The following NYAP2 variants were observed in gnomAD, a reference collection of about 807,000 sequenced individuals.
NYAP2 encodes neuronal tyrosine-phosphorylated phosphoinositide-3-kinase adapter 2.
A neutral mutation model predicts 50.4 loss-of-function variants in NYAP2; 23 were observed. The observed-to-expected ratio is 0.46, with a 90% CI of 0.33 to 0.65. The LOEUF (loss-of-function observed/expected upper bound fraction) is 0.65, where lower values mean the gene tolerates loss of function less well. Among genes scored for constraint, NYAP2 ranks in the 30% least tolerant of loss-of-function variants. The probability of loss-of-function intolerance (pLI) is 0.02; values close to 1 mark genes in which losing one functional copy is unlikely to be tolerated. For synonymous variants in NYAP2, 394 were observed against 365.2 expected (o/e 1.08, Z -0.90); for missense variants, 885 against 861.0 (o/e 1.03, Z -0.35).
At chr2:225,536,061 A>G (rs907652044) in intron 4 of NYAP2, among the ~76,000 whole-genome samples, 1 of 152,240 alleles carries the variant, frequency 6.6e-6, no homozygotes, top group African/African-American at 2.4e-5. Flanking sequence ...ATAGATGCTT[A>G]AATTATAAAC....
intron 5 of NYAP2, among the ~76,000 whole-genome samples, chr2:225,613,888 T>A (rs148806552): frequency 6.6e-5 from 10 of 152,292 alleles, no homozygotes; most frequent in African/African-American, 2.4e-4. Context: ...AATTGAAGAC[T>A]ACAATAAAAA....
At chr2:225,657,758 C>T (rs1446006473), downstream of NYAP2, among the ~76,000 whole-genome samples, 1 of 152,142 alleles carries the variant, frequency 6.6e-6, no homozygotes, top group Non-Finnish European at 1.5e-5. Flanking sequence ...AGTTTAGCCC[C>T]TTGTCCTATA....
At chr2:225,536,258 C>T (rs1196875921) in intron 4 of NYAP2, among the ~76,000 whole-genome samples, 1 of 152,156 alleles carries the variant, frequency 6.6e-6, no homozygotes, top group Non-Finnish European at 1.5e-5. Flanking sequence ...TCTCCCAAGG[C>T]GCTACCACAT....
At chr2:225,411,184 A>G (rs1319036485) in intron 3 of NYAP2, among the ~76,000 whole-genome samples, 3 of 152,106 alleles carry the variant, frequency 2.0e-5, no homozygotes, top group Non-Finnish European at 4.4e-5. Context: ...TTGCATTGGG[A>G]TGATAGCAGT....
At chr2:225,573,253 T>C (rs986826947) in intron 4 of NYAP2, among the ~76,000 whole-genome samples, 1 of 127,272 alleles carries the variant, frequency 7.9e-6, no homozygotes. Flanking sequence ...ATTATTTCTT[T>C]TTTTTTTTTT....
At chr2:225,500,667 T>C (rs1690589274) in intron 3 of NYAP2, among the ~76,000 whole-genome samples, 1 of 152,222 alleles carries the variant, frequency 6.6e-6, no homozygotes, top group Non-Finnish European at 1.5e-5. Flanking sequence ...TACAAATGTT[T>C]GGGAAGGGCG....
the NYAP2 span, among the ~76,000 whole-genome samples, chr2:225,678,230 C>A: frequency 6.6e-6 from 1 of 151,938 alleles, no homozygotes; most frequent in African/African-American, 2.4e-5. Flanking sequence ...CTCTGAGGAT[C>A]TTTTGTATTT....
chr2:225,399,406 G>C (rs542605162), upstream of NYAP2, among the ~76,000 whole-genome samples: 2 of 152,092 alleles, frequency 1.3e-5, no homozygotes, highest in East Asian at 3.9e-4. Flanking sequence ...ATATTCAGTA[G>C]AGTATTAAGA....
At chr2:225,474,745 G>A (rs886531808) in intron 3 of NYAP2, among the ~76,000 whole-genome samples, 7 of 152,210 alleles carry the variant, frequency 4.6e-5, no homozygotes, top group Non-Finnish European at 1.0e-4. Context: ...ATACAATCAT[G>A]TCATCTGCAA....
At chr2:225,422,634 C>A (rs887565405) in intron 3 of NYAP2, among the ~76,000 whole-genome samples, 1 of 151,982 alleles carries the variant, frequency 6.6e-6, no homozygotes, top group African/African-American at 2.4e-5. Flanking sequence ...AACTACACAC[C>A]ATTACCAACA....
chr2:225,618,490 G>C (rs1693028138), intron 5 of NYAP2, among the ~76,000 whole-genome samples: 1 of 152,252 alleles, frequency 6.6e-6, no homozygotes, highest in Admixed American at 6.5e-5. Flanking sequence ...GCCCAAGCCT[G>C]GTATTAACTC....
chr2:225,435,445 A>G (rs1364277262), intron 3 of NYAP2, among the ~76,000 whole-genome samples: 1 of 152,220 alleles, frequency 6.6e-6, no homozygotes, highest in Non-Finnish European at 1.5e-5. Flanking sequence ...TAAAGACTTC[A>G]AAAGAAGTCA....
chr2:225,677,430 A>G, the NYAP2 span, among the ~76,000 whole-genome samples: 1 of 152,138 alleles, frequency 6.6e-6, no homozygotes, highest in Non-Finnish European at 1.5e-5. Flanking sequence ...TACCCTGGCT[A>G]GGACTTCCAG....
chr2:225,665,779 A>G, the NYAP2 span, among the ~76,000 whole-genome samples: 9 of 123,370 alleles, frequency 7.3e-5, no homozygotes, highest in African/African-American at 2.7e-4. Context: ...ATTGCACTCC[A>G]GCCTGGGCAA....
At chr2:225,510,941 A>G (rs563946533) in intron 3 of NYAP2, among the ~76,000 whole-genome samples, 30 of 152,128 alleles carry the variant, frequency 2.0e-4, no homozygotes, top group Non-Finnish European at 3.4e-4. Flanking sequence ...GTCAAAAGTA[A>G]CTGAGAAATT....
chr2:225,459,192 AC>A (rs1350760591), intron 3 of NYAP2, among the ~76,000 whole-genome samples: 1 of 152,198 alleles, frequency 6.6e-6, no homozygotes, highest in East Asian at 1.9e-4. Flanking sequence ...AATTATGTTT[AC>A]TTTTTAATAT....
At chr2:225,458,262 G>A (rs971490612) in intron 3 of NYAP2, among the ~76,000 whole-genome samples, 2 of 152,166 alleles carry the variant, frequency 1.3e-5, no homozygotes, top group Non-Finnish European at 2.9e-5. Context: ...TGAGGTGGGA[G>A]GATCGCTTGA....
intron 5 of NYAP2, among the ~76,000 whole-genome samples, chr2:225,604,378 T>C (rs1692749452): frequency 6.6e-6 from 1 of 152,160 alleles, no homozygotes; most frequent in Admixed American, 6.6e-5. Flanking sequence ...AATCATGCGT[T>C]ACAGCTGGGG....
chr2:225,578,727 G>A (rs930735731), intron 4 of NYAP2, among the ~76,000 whole-genome samples: 1 of 152,106 alleles, frequency 6.6e-6, no homozygotes, highest in African/African-American at 2.4e-5. Context: ...TTGTTTAATT[G>A]TAAAATAACA....
Sources: allele counts gnomAD v4.1 joint callset (sites outside exome capture counted in the v4.1 genomes callset), GRCh38; gene constraint gnomAD v4.1.1; transcripts MANE v1.5; gene names NCBI Gene and HGNC (gene_info 2026-07-23, HGNC 2026-07-21).